Variants in DCC observed in about 807,000 individuals in gnomAD.
DCC encodes the protein DCC netrin 1 receptor.
Under a neutral mutation model 172.5 loss-of-function variants are expected in DCC, and 58 were observed. That is an observed-to-expected ratio of 0.34 (90% confidence interval 0.27 to 0.42). The LOEUF (loss-of-function observed/expected upper bound fraction) is 0.42, where lower values mean the gene tolerates loss of function less well. Ranked by LOEUF, DCC falls within the 10% of genes least tolerant of loss-of-function variation. The pLI is 1.00. For synonymous variants in DCC, 709 were observed against 644.5 expected, an observed-to-expected ratio of 1.10 and a Z score of -1.52; for missense variants, 1,740 against 1,791.0, an observed-to-expected ratio of 0.97 and a Z score of 0.51.
intron 2 of DCC, among the ~76,000 whole-genome samples, chr18:52,857,186 C>G (rs1409564730): frequency 1.3e-5 from 2 of 152,144 alleles, no homozygotes; most frequent in Non-Finnish European, 1.5e-5. Context: ...AAAACAAACA[C>G]TAAGTAAATG....
intron 1 of DCC, among the ~76,000 whole-genome samples, chr18:52,513,655 C>T (rs778682397): frequency 7.2e-5 from 11 of 151,916 alleles, no homozygotes; most frequent in Non-Finnish European, 1.3e-4. Context: ...GAATGCAAAC[C>T]AAGGTCTTTT....
intron 20 of DCC, among the ~76,000 whole-genome samples, chr18:53,412,000 G>T (rs910996692): frequency 1.3e-5 from 2 of 152,138 alleles, no homozygotes; most frequent in South Asian, 2.1e-4. Flanking sequence ...TCTGAGGAAA[G>T]GTTGAAGATG....
At chr18:53,087,282 A>G (rs1344652648) in intron 7 of DCC, among the ~76,000 whole-genome samples, 2 of 151,278 alleles carry the variant, frequency 1.3e-5, no homozygotes, top group African/African-American at 4.9e-5. Flanking sequence ...TGACTTTTTA[A>G]TGATTGCCAT....
chr18:52,724,328 T>A (rs1445051155), intron 1 of DCC, among the ~76,000 whole-genome samples: 1 of 152,018 alleles, frequency 6.6e-6, no homozygotes, highest in African/African-American at 2.4e-5. Flanking sequence ...TTATTTTTTT[T>A]AATAGAGATA....
intron 22 of DCC, among the ~76,000 whole-genome samples, chr18:53,444,775 A>G (rs1038563430): frequency 6.6e-6 from 1 of 152,258 alleles, no homozygotes; most frequent in South Asian, 2.1e-4. Context: ...AACTAGTGCA[A>G]CTTGCTTTAT....
chr18:53,074,026 A>T (rs2042690741), intron 7 of DCC, among the ~76,000 whole-genome samples: 1 of 152,084 alleles, frequency 6.6e-6, no homozygotes, highest in Admixed American at 6.6e-5. Flanking sequence ...AATTATTAAG[A>T]TCTATTAGAA....
At chr18:52,848,813 A>G (rs114768526) in intron 2 of DCC, among the ~76,000 whole-genome samples, 4,061 of 152,234 alleles carry the variant, frequency 0.027, 159 homozygotes, top group African/African-American at 0.089. Flanking sequence ...TAGACTTTTA[A>G]TTCAGTTCCA....
At chr18:52,535,750 AT>A (rs1207382532) in intron 1 of DCC, among the ~76,000 whole-genome samples, 2 of 152,198 alleles carry the variant, frequency 1.3e-5, no homozygotes, top group Non-Finnish European at 2.9e-5. Flanking sequence ...GAGAAAACTG[AT>A]GCATGGGGAT....
intron 1 of DCC, among the ~76,000 whole-genome samples, chr18:52,447,585 A>G (rs914646585): frequency 6.6e-6 from 1 of 152,210 alleles, no homozygotes; most frequent in African/African-American, 2.4e-5. Context: ...TCGAACTGCT[A>G]TAAATAAATA....
chr18:53,021,584 G>A (rs1253550123), intron 5 of DCC, among the ~76,000 whole-genome samples: 1 of 152,020 alleles, frequency 6.6e-6, no homozygotes, highest in Admixed American at 6.6e-5. Context: ...GTGTATGTGT[G>A]CCTAGAAGGA....
At chr18:52,373,888 A>ATTTTTT (rs1296846491) in intron 1 of DCC, among the ~76,000 whole-genome samples, 9 of 127,322 alleles carry the variant, frequency 7.1e-5, no homozygotes, top group Non-Finnish European at 8.2e-5. Context: ...TGGTTGCATC[A>ATTTTTT]TTTTTTTTTT....
At chr18:53,052,628 C>A (rs73957007) in intron 5 of DCC, among the ~76,000 whole-genome samples, 5,963 of 152,058 alleles carry the variant, frequency 0.039, 370 homozygotes, top group African/African-American at 0.13. Flanking sequence ...AATAACCAGG[C>A]ATGGTAGGGG....
In DCC at chr18:53,467,965, C is replaced by G; in HGVS notation, c.3691C>G (p.Arg1231Gly). ...GTCGCTGGCTGCACGCCGAGCCCCC[C>G]GGGCCAAGCTCATGATTCCCATGGA... ...ERSLAARRAP[R>G]AKLMIPMDAQ... Residue 1231 changes from arginine (R) to glycine (G), a missense_variant, in exon 25 of 29, where the codon CGG (arginine) becomes GGG (glycine). Around this residue, in one of 2 missense-constraint regions of DCC, gnomAD observed 1,732 missense variants for 1,767.4 expected, o/e 0.98. Coordinates refer to ENST00000442544, the MANE Select transcript of DCC (RefSeq NM_005215.4). The G allele has an allele frequency of 6.2e-7, 1 of 1,611,832 alleles. No homozygotes were observed. Among genetic ancestry groups the G allele is most frequent in the Non-Finnish European group, 8.5e-7 (1 of 1,178,054 alleles).
Position 53,352,276 on chromosome 18 carries a change from G to A in DCC, c.2359+12369G>A, listed in dbSNP as rs141972578. On this transcript the variant is annotated intron_variant, in intron 15 of 28. Transcript: ENST00000442544. ...TTAATCATAGAGGTATTTATTATTT[G>A]TTCTGTGAGCTGGATTCATAGCCAA... Among the ~76,000 whole-genome samples the A allele has an allele frequency of 1.6e-4, 25 of 152,202 alleles. No homozygotes were observed. The East Asian group carries it at 4.6e-3, about 28-fold the overall frequency.
At position 52,678,916 on chromosome 18, in the gene DCC, C is replaced by T. The variant is rs371678142; in HGVS notation, c.92-73138C>T. On this transcript the variant is annotated intron_variant, in intron 1 of 28. Transcript: ENST00000442544. ...TAAATTTACCAGCTGGTGATAGATT[C>T]ACATACTCCTCTTCATTTCCGATAG... is the stretch of plus-strand genomic sequence containing the variant. Among the ~76,000 whole-genome samples, 9 of 152,078 alleles carry T rather than the reference C, an allele frequency of 5.9e-5. No individual in the cohort carries two copies. In the East Asian group the frequency reaches 1.6e-3, roughly 26 times the overall value.
chr18:52,367,233 T>C (rs1984917347), intron 1 of DCC, among the ~76,000 whole-genome samples: 1 of 152,126 alleles, frequency 6.6e-6, no homozygotes, highest in Admixed American at 6.5e-5. Context: ...CACCCGGAAC[T>C]CCAGCTGGCC....
chr18:52,990,607 G>C (rs1012464147), intron 5 of DCC, among the ~76,000 whole-genome samples: 2 of 127,464 alleles, frequency 1.6e-5, no homozygotes, highest in Admixed American at 8.0e-5. Flanking sequence ...AATGATCAAA[G>C]AGATTGTATA....
intron 2 of DCC, among the ~76,000 whole-genome samples, chr18:52,867,513 T>G (rs1016071341): frequency 1.4e-5 from 2 of 143,216 alleles, no homozygotes; most frequent in Non-Finnish European, 3.1e-5. Context: ...TGGTCTTGGG[T>G]TTTTTTTTTT....
At chr18:52,950,694 G>A (rs894204060) in intron 5 of DCC, among the ~76,000 whole-genome samples, 1 of 151,444 alleles carries the variant, frequency 6.6e-6, no homozygotes, top group Non-Finnish European at 1.5e-5. Context: ...GGAGGCCGAG[G>A]GGGGTGGATC....
Sources: allele counts gnomAD v4.1 joint callset (sites outside exome capture counted in the v4.1 genomes callset), GRCh38; gene constraint gnomAD v4.1.1; regional missense constraint gnomAD v4.1.1; transcripts MANE v1.5; gene names NCBI Gene and HGNC (gene_info 2026-07-23, HGNC 2026-07-21).